The following DNER variants were observed in gnomAD, a reference collection of about 807,000 sequenced individuals.
DNER encodes delta and Notch-like epidermal growth factor-related receptor.
DNER carries 33 observed loss-of-function variants against 78.2 expected under a neutral mutation model. The ratio of observed to expected loss-of-function variants is 0.42; its 90% CI spans 0.32 to 0.56. The LOEUF (loss-of-function observed/expected upper bound fraction) is 0.56. Among genes scored for constraint, DNER ranks in the 20% least tolerant of loss-of-function variants. The pLI is 0.11. For missense variants in DNER, 918 were observed against 975.3 expected (o/e 0.94, Z 0.78); for synonymous variants, 417 against 384.8 (o/e 1.08, Z -0.98).
intron 7 of DNER, among the ~76,000 whole-genome samples, chr2:229,453,455 G>C (rs376912477): frequency 2.2e-4 from 33 of 152,164 alleles, no homozygotes; most frequent in African/African-American, 8.0e-4. Context: ...GTATGAACTA[G>C]ACTGTTGACT....
chr2:229,431,615 A>G (rs915999548), intron 8 of DNER, among the ~76,000 whole-genome samples: 3 of 142,288 alleles, frequency 2.1e-5, no homozygotes, highest in African/African-American at 7.8e-5. Context: ...GGAGTTTAAC[A>G]AAAGAGGAGG....
At chr2:229,603,071 AC>A (rs1380144682) in intron 1 of DNER, among the ~76,000 whole-genome samples, 3 of 152,218 alleles carry the variant, frequency 2.0e-5, no homozygotes, top group Non-Finnish European at 2.9e-5. Context: ...TCACACAGGG[AC>A]ACTTGACTTC....
chr2:229,706,937 T>C (rs1227869996), intron 1 of DNER, among the ~76,000 whole-genome samples: 1 of 152,182 alleles, frequency 6.6e-6, no homozygotes, highest in Non-Finnish European at 1.5e-5. Context: ...CCATTCTTAG[T>C]TGGTAGAAAG....
Position 229,367,718 on chromosome 2 carries a change from C to T in DNER, c.1856-599G>A, listed in dbSNP as rs138395228. Among the ~76,000 whole-genome samples the T allele has an allele frequency of 3.9e-5, 6 of 152,282 alleles. No individual in the cohort carries two copies. In the East Asian group the frequency reaches 1.2e-3, roughly 29 times the overall value. ...TCAGAATTACAAAAAAGTACAATTCCTCTATCAGCTCCCAAATATTACTTT... is the reference window on the plus strand; with the variant it reads ...TCAGAATTACAAAAAAGTACAATTCTTCTATCAGCTCCCAAATATTACTTT... On this transcript the variant is annotated intron_variant, in intron 11 of 12. Transcript: ENST00000341772.
chr2:229,449,854 G>A (rs1694418985), intron 7 of DNER, among the ~76,000 whole-genome samples: 1 of 152,142 alleles, frequency 6.6e-6, no homozygotes, highest in Non-Finnish European at 1.5e-5. Flanking sequence ...CACAATCTTG[G>A]CTCACTGCAA....
At position 229,594,586 on chromosome 2, in the gene DNER, C is replaced by CA. The variant is rs67869133; in HGVS notation, c.277-2699dup. On this transcript the variant is annotated intron_variant, in intron 1 of 12. Transcript: ENST00000341772. The stretch of plus-strand genomic sequence containing the variant: ...TGGGCAACAGAACAAGACTCCATCT[C>CA]AAAAAAAAAAAACAAAACAAACAAA... Among the ~76,000 whole-genome samples, 139 of 148,416 alleles carry CA rather than the reference C, an allele frequency of 9.4e-4. 1 individual carries two copies. The highest frequency in any genetic ancestry group is 3.4e-3 in the African/African-American group (131 of 39,022).
At chr2:229,474,682 G>A (rs1694995340) in intron 7 of DNER, among the ~76,000 whole-genome samples, 1 of 152,090 alleles carries the variant, frequency 6.6e-6, no homozygotes, top group Non-Finnish European at 1.5e-5. Flanking sequence ...CTATCACAAG[G>A]GTCTCTCACA....
At chr2:229,590,600 A>G (rs563947466) in intron 2 of DNER, among the ~76,000 whole-genome samples, 4 of 152,312 alleles carry the variant, frequency 2.6e-5, no homozygotes, top group African/African-American at 9.6e-5. Context: ...AGCAGGGCAC[A>G]GGGCTGGTGA....
At chr2:229,643,907 T>C (rs1481476619) in intron 1 of DNER, among the ~76,000 whole-genome samples, 1 of 152,208 alleles carries the variant, frequency 6.6e-6, no homozygotes, top group Non-Finnish European at 1.5e-5. Context: ...TCCCAGATGA[T>C]GGTTGCCTAA....
chr2:229,561,818 A>T (rs1353882476), intron 4 of DNER, among the ~76,000 whole-genome samples: 1 of 152,278 alleles, frequency 6.6e-6, no homozygotes, highest in East Asian at 1.9e-4. Context: ...TCTCATGCCT[A>T]TAATAATGGG....
intron 8 of DNER, among the ~76,000 whole-genome samples, chr2:229,420,077 A>C (rs1693734037): frequency 6.6e-6 from 1 of 151,756 alleles, no homozygotes; most frequent in South Asian, 2.1e-4. Flanking sequence ...ACTATGGCCC[A>C]CAGATGAAAT....
At chr2:229,711,332 T>C (rs1699909143) in intron 1 of DNER, among the ~76,000 whole-genome samples, 1 of 150,864 alleles carries the variant, frequency 6.6e-6, no homozygotes, top group Non-Finnish European at 1.5e-5. Flanking sequence ...ATCACTATCT[T>C]CATGAGGTAG....
intron 8 of DNER, among the ~76,000 whole-genome samples, chr2:229,444,762 G>A (rs1694306022): frequency 6.6e-6 from 1 of 152,084 alleles, no homozygotes; most frequent in South Asian, 2.1e-4. Context: ...GGTGGTGGGA[G>A]CCTGTAATCC....
chr2:229,534,423 G>T (rs1310404682), intron 5 of DNER, among the ~76,000 whole-genome samples: 1 of 152,218 alleles, frequency 6.6e-6, no homozygotes, highest in Non-Finnish European at 1.5e-5. Flanking sequence ...CCAATAGATT[G>T]TAATGAAACA....
At chr2:229,477,792 A>G (rs976043184) in intron 6 of DNER, among the ~76,000 whole-genome samples, 2 of 152,200 alleles carry the variant, frequency 1.3e-5, no homozygotes, top group Non-Finnish European at 2.9e-5. Context: ...ATTGAGGCAA[A>G]CAGAATGCTA....
chr2:229,556,131 G>A (rs758136514), intron 4 of DNER, among the ~76,000 whole-genome samples: 1 of 152,184 alleles, frequency 6.6e-6, no homozygotes, highest in African/African-American at 2.4e-5. Flanking sequence ...GCAAATGAAT[G>A]TGTAGTTAAA....
At chr2:229,388,647 A>ATATC (rs1692954184) in intron 10 of DNER, among the ~76,000 whole-genome samples, 1 of 99,818 alleles carries the variant, frequency 1.0e-5, no homozygotes. Flanking sequence ...ATATATATAT[A>ATATC]GCACTGGTAA....
At chr2:229,463,350 T>C (rs1694740762) in intron 7 of DNER, among the ~76,000 whole-genome samples, 1 of 152,170 alleles carries the variant, frequency 6.6e-6, no homozygotes, top group African/African-American at 2.4e-5. Flanking sequence ...GAAATTACAA[T>C]GAGGGAATAT....
intron 1 of DNER, among the ~76,000 whole-genome samples, chr2:229,655,552 C>A (rs1698898758): frequency 6.6e-6 from 1 of 152,046 alleles, no homozygotes; most frequent in Non-Finnish European, 1.5e-5. Context: ...TAGTGAATGG[C>A]TTTTGGTCCT....
Sources: gnomAD v4.1 joint callset for allele counts (sites outside exome capture counted in the v4.1 genomes callset) on GRCh38, gnomAD v4.1.1 for gene constraint, MANE v1.5 for transcripts, NCBI Gene and HGNC (gene_info 2026-07-23, HGNC 2026-07-21) for gene names.